The following TEX11 variants were observed in gnomAD, a reference collection of about 807,000 sequenced individuals.
TEX11 encodes the protein testis-expressed protein 11.
TEX11 carries 7 observed loss-of-function variants against 84.4 expected under a neutral mutation model. That is an observed-to-expected ratio of 0.08 (90% CI 0.05 to 0.16). The LOEUF is 0.16. Among genes scored for constraint, TEX11 ranks in the 10% least tolerant of loss-of-function variants. The probability of loss-of-function intolerance (pLI) is 1.00; values close to 1 mark genes in which losing one functional copy is unlikely to be tolerated. For synonymous variants in TEX11, 264 were observed against 222.8 expected (o/e 1.18, Z -1.64); for missense variants, 551 against 660.5 (o/e 0.83, Z 1.82).
intron 24 of TEX11, among the ~76,000 whole-genome samples, chrX:70,597,953 G>T (rs756096470): frequency 2.7e-5 from 3 of 111,777 alleles, no homozygotes; most frequent in Non-Finnish European, 5.6e-5. Context: ...AGGCCGAGGT[G>T]GGGGGATCAG....
At chrX:70,666,308 A>C (rs1357631941) in intron 16 of TEX11, among the ~76,000 whole-genome samples, 1 of 111,968 alleles carries the variant, frequency 8.9e-6, no homozygotes, top group Non-Finnish European at 1.9e-5. Flanking sequence ...TTGAAAAGGG[A>C]ATTTTAGGGA....
At chrX:70,814,644 G>A (rs1207757417) in intron 8 of TEX11, among the ~76,000 whole-genome samples, 4 of 113,048 alleles carry the variant, frequency 3.5e-5, no homozygotes, top group Non-Finnish European at 7.5e-5. Flanking sequence ...AATTGTAATA[G>A]AGTAAGCAAC....
At chrX:70,828,309 G>A (rs1169654416) in intron 8 of TEX11, among the ~76,000 whole-genome samples, 1 of 110,904 alleles carries the variant, frequency 9.0e-6, no homozygotes, top group Non-Finnish European at 1.9e-5. Context: ...ATTCAAAATA[G>A]CTATTTTGAA....
chrX:70,700,080 T>C (rs773836167), intron 13 of TEX11, among the ~76,000 whole-genome samples: 1 of 104,825 alleles, frequency 9.5e-6, no homozygotes, highest in Admixed American at 1.0e-4. Flanking sequence ...ATTGCACTTC[T>C]CTTTATTGTA....
intron 4 of TEX11, 109 bp downstream of exon 4, chrX:70,873,114 A>G (rs933077799): frequency 2.6e-5 from 12 of 467,477 alleles, no homozygotes; most frequent in Non-Finnish European, 3.5e-5. Context: ...TTGTCTTTTA[A>G]CAAATCTCTA....
intron 11 of TEX11, among the ~76,000 whole-genome samples, chrX:70,734,076 T>A (rs1189947817): frequency 9.1e-6 from 1 of 110,415 alleles, no homozygotes; most frequent in Non-Finnish European, 1.9e-5. Context: ...ACACCGCATG[T>A]TCTCACTCAT....
At chrX:70,583,544 G>T (rs775673446) in intron 25 of TEX11, among the ~76,000 whole-genome samples, 5 of 111,966 alleles carry the variant, frequency 4.5e-5, no homozygotes, top group Non-Finnish European at 7.5e-5. Context: ...CCATATCATT[G>T]CAACTGTGAA....
intron 28 of TEX11, among the ~76,000 whole-genome samples, chrX:70,547,714 A>G (rs1213884998): frequency 1.8e-5 from 2 of 112,166 alleles, no homozygotes; most frequent in African/African-American, 6.5e-5. Context: ...CAAAACCACA[A>G]TAAGATACCA....
rs139069270 is a variant in TEX11 at position 70,656,794 on chromosome X, T to C, written c.1381-5242A>G. ...GGAAACTGGAGAACAGCAGTTGAAA[T>C]TGGGAGATAATTTGCTTTCTCCATT... On this transcript the variant is annotated intron_variant, in intron 16 of 29. Transcript: ENST00000374333. 5.1e-3 allele frequency among the ~76,000 whole-genome samples: 576 copies of C among 111,909 alleles called. 4 individuals are homozygous for C. The highest frequency in any genetic ancestry group is 0.018 in the African/African-American group (543 of 30,843).
At chrX:70,813,666 T>C (rs1364255874) in intron 8 of TEX11, among the ~76,000 whole-genome samples, 1 of 111,595 alleles carries the variant, frequency 9.0e-6, no homozygotes, top group Non-Finnish European at 1.9e-5. Context: ...ATTGTCCCTG[T>C]TTGCAGATGA....
In TEX11 at chrX:70,682,711, T is replaced by C. The variant is rs990365259; in HGVS notation, c.1119A>G (p.Glu373=). The change falls in exon 14 of 30, where the codon GAA becomes GAG. Residue 373 remains glutamate, a synonymous_variant. Transcript: ENST00000374333. The part of the protein sequence containing the change: ...HTDMLLQRKE[E]LLAKEKIEEI... ...CTTCAATCTTCTCCTTGGCAAGAAG[T>C]TCTTCCTTCCTTTGTAAAAGCATGT... 3 of 1,208,791 alleles carry C rather than the reference T, an allele frequency of 2.5e-6. No homozygotes were observed. The Admixed American group carries it at 6.6e-5, about 26-fold the overall frequency.
At chrX:70,539,180 G>T (rs1223959729) in intron 28 of TEX11, among the ~76,000 whole-genome samples, 1 of 105,628 alleles carries the variant, frequency 9.5e-6, no homozygotes, top group Non-Finnish European at 1.9e-5. Flanking sequence ...GATTACAGGC[G>T]CCTACCACCA....
chrX:70,820,292 G>A (rs1467497110), intron 8 of TEX11, among the ~76,000 whole-genome samples: 1 of 111,661 alleles, frequency 9.0e-6, no homozygotes, highest in African/African-American at 3.3e-5. Context: ...TCTTCAACAT[G>A]AGTGCCAAGA....
At chrX:70,596,533 T>A (rs1161281958) in intron 24 of TEX11, among the ~76,000 whole-genome samples, 1 of 110,890 alleles carries the variant, frequency 9.0e-6, no homozygotes, top group Non-Finnish European at 1.9e-5. Flanking sequence ...GATTCCTAAA[T>A]AATAAATGGG....
At chrX:70,577,233 T>C (rs1250187516) in intron 25 of TEX11, among the ~76,000 whole-genome samples, 1 of 110,922 alleles carries the variant, frequency 9.0e-6, no homozygotes, top group African/African-American at 3.3e-5. Flanking sequence ...GCACAGTTTA[T>C]ACACAAAGAT....
chrX:70,632,166 C>T (rs1453764837), intron 17 of TEX11, among the ~76,000 whole-genome samples: 1 of 107,910 alleles, frequency 9.3e-6, no homozygotes, highest in Non-Finnish European at 1.9e-5. Context: ...ATTTGTGTAT[C>T]GTCACTAAAC....
chrX:70,854,818 G>C (rs749800688), intron 5 of TEX11, among the ~76,000 whole-genome samples: 12 of 109,432 alleles, frequency 1.1e-4, no homozygotes, highest in Non-Finnish European at 2.3e-4. Context: ...GGCCGAGGTG[G>C]ACGAATTTCT....
chrX:70,830,381 G>C (rs1189470704), intron 8 of TEX11, among the ~76,000 whole-genome samples: 1 of 111,537 alleles, frequency 9.0e-6, no homozygotes, highest in Admixed American at 9.6e-5. Flanking sequence ...AATTATTAGA[G>C]GGAAAGAGAG....
At chrX:70,525,509 C>T (rs1303752972), downstream of TEX11, among the ~76,000 whole-genome samples, 1 of 109,365 alleles carries the variant, frequency 9.1e-6, no homozygotes, top group African/African-American at 3.3e-5. Context: ...ATCATTTGAG[C>T]CCAGGAGGCG....
Sources: allele counts gnomAD v4.1 joint callset (sites outside exome capture counted in the v4.1 genomes callset), GRCh38; gene constraint gnomAD v4.1.1; transcripts MANE v1.5; gene names NCBI Gene and HGNC (gene_info 2026-07-23, HGNC 2026-07-21).